The following ZNF354B variants were observed in gnomAD, a reference collection of about 807,000 sequenced individuals.
ZNF354B encodes the protein zinc finger protein 354B.
A neutral mutation model predicts 12.9 loss-of-function variants in ZNF354B; 10 were observed. The ratio of observed to expected loss-of-function variants is 0.77; its 90% confidence interval spans 0.48 to 1.31. The LOEUF (loss-of-function observed/expected upper bound fraction) is 1.31. ZNF354B is among the 40% of genes most tolerant of loss of function. The pLI, the probability that ZNF354B is intolerant of heterozygous loss-of-function variation, is 0.00. For missense variants in ZNF354B, 614 were observed against 711.7 expected (o/e 0.86, Z 1.56); for synonymous variants, 260 against 243.7 (o/e 1.07, Z -0.62).
At position 178,883,206 on chromosome 5, in the gene ZNF354B, A is replaced by G; in HGVS notation, c.754A>G (p.Ser252Gly). The change falls in exon 5 of 5, where the codon AGC becomes GGC. Residue 252 changes from serine to glycine, a missense_variant. Transcript: ENST00000322434. ...FKCKECLKAFSQSSALIQHQR... is the reference protein window; with the variant it reads ...FKCKECLKAFGQSSALIQHQR... ...ATGTAAAGAATGTTTAAAAGCTTTC[A>G]GCCAAAGTTCTGCTCTTATTCAACA... The G allele has an allele frequency of 1.9e-6, 3 of 1,613,576 alleles. No homozygotes were observed. Among genetic ancestry groups the G allele is most frequent in the South Asian group, 1.1e-5 (1 of 90,774 alleles).
At chr5:178,879,117 C>T (rs990033729) in intron 4 of ZNF354B, among the ~76,000 whole-genome samples, 1 of 151,816 alleles carries the variant, frequency 6.6e-6, no homozygotes, top group Non-Finnish European at 1.5e-5. Context: ...GGTGCCATCT[C>T]GGCTCACTTC....
At chr5:178,877,979 T>C (rs920548549) in intron 4 of ZNF354B, among the ~76,000 whole-genome samples, 4 of 152,242 alleles carry the variant, frequency 2.6e-5, no homozygotes, top group Non-Finnish European at 5.9e-5. Context: ...TTTGCACTTT[T>C]GGCATTTTCT....
chr5:178,873,505 A>G (rs987125074), intron 4 of ZNF354B, among the ~76,000 whole-genome samples: 4 of 152,164 alleles, frequency 2.6e-5, no homozygotes, highest in African/African-American at 9.7e-5. Flanking sequence ...GCGAATCTTC[A>G]GTTGCTCCAT....
At chr5:178,866,714 A>G (rs547166762) in intron 3 of ZNF354B, among the ~76,000 whole-genome samples, 4 of 152,080 alleles carry the variant, frequency 2.6e-5, no homozygotes, top group Non-Finnish European at 4.4e-5. Flanking sequence ...TCATCGACCT[A>G]CCATTGCCTT....
Position 178,883,081 on chromosome 5 carries a change from C to A in ZNF354B, c.629C>A (p.Ala210Glu). The stretch of plus-strand genomic sequence containing the variant: ...CTTAACCAATCAAAAATCAAAACAG[C>A]AGAGAAACGCTATAAATGCAGTACA... Reference protein sequence around the residue: ...NLLNQSKIKTAEKRYKCSTCE... With the variant: ...NLLNQSKIKTEEKRYKCSTCE... Residue 210 changes from alanine to glutamate, a missense_variant, in exon 5 of 5, where the codon GCA becomes GAA. Ala to Glu is a moderately radical substitution (Grantham distance 107). Transcript: ENST00000322434. 1 of 1,607,022 alleles carries A rather than the reference C, an allele frequency of 6.2e-7. No individual in the cohort carries two copies. Among genetic ancestry groups the A allele is most frequent in the African/African-American group, 1.3e-5 (1 of 74,484 alleles).
rs1434636553 is a variant in ZNF354B at position 178,883,757 on chromosome 5, G to C, written c.1305G>C (p.Glu435Asp). The change falls in exon 5 of 5, where the codon GAG (glutamate) becomes GAC (aspartate). Residue 435 changes from glutamate (E) to aspartate (D), a missense_variant. By Grantham distance (45) the Glu-to-Asp change is conservative. Coordinates refer to ENST00000322434, the MANE Select transcript of ZNF354B (RefSeq NM_058230.3). ...LNRHRIIHTG[E>D]KLYNCNECGK... ...GACACCGAATAATTCATACTGGAGA[G>C]AAATTGTATAATTGTAATGAATGTG... 6.2e-7 allele frequency: 1 copy of C among 1,614,156 alleles called. No individual in the cohort carries two copies.
intron 4 of ZNF354B, among the ~76,000 whole-genome samples, chr5:178,882,194 T>G (rs1322172572): frequency 6.6e-6 from 1 of 152,208 alleles, no homozygotes; most frequent in Non-Finnish European, 1.5e-5. Context: ...TCTAGATGTG[T>G]ATTATTCCTT....
chr5:178,865,458 A>G (rs112654091), intron 2 of ZNF354B, among the ~76,000 whole-genome samples: 22,376 of 151,846 alleles, frequency 0.15, 2,004 homozygotes, highest in African/African-American at 0.25. Context: ...TAGTAGAGAC[A>G]GGGTTTCACC....
chr5:178,884,277 G>A lies in ZNF354B; in HGVS notation c.1825G>A (p.Asp609Asn), dbSNP rs559023412. The change falls in exon 5 of 5, where the codon GAT becomes AAT. Residue 609 changes from aspartate (D) to asparagine (N), a missense_variant. Coordinates refer to ENST00000322434, the MANE Select transcript of ZNF354B (RefSeq NM_058230.3). Reference protein sequence around the residue: ...IHIEEDSLKADLHV With the variant: ...IHIEEDSLKANLHV ...CATTGAAGAGGACTCCTTAAAAGCC[G>A]ATTTGCATGTGTGAAAGCCTTAAAC... The A allele has an allele frequency of 7.6e-6, 12 of 1,584,220 alleles. No homozygotes were observed. In the East Asian group the frequency reaches 1.3e-4, roughly 18 times the overall value.
chr5:178,866,940 A>G, intron 3 of ZNF354B, 36 bp from the exon 4 acceptor site: 1 of 1,599,200 alleles, frequency 6.3e-7, no homozygotes, highest in Non-Finnish European at 8.6e-7. Context: ...CAAAACGAAG[A>G]CTGAGACTTT....
At chr5:178,875,711 A>C (rs1757625912) in intron 4 of ZNF354B, among the ~76,000 whole-genome samples, 1 of 152,170 alleles carries the variant, frequency 6.6e-6, no homozygotes, top group African/African-American at 2.4e-5. Flanking sequence ...GTGAAGAGTC[A>C]GGGATTGGTT....
chr5:178,860,469 G>A (rs62393045), intron 1 of ZNF354B, among the ~76,000 whole-genome samples: 2,979 of 152,246 alleles, frequency 0.02, 78 homozygotes, highest in East Asian at 0.12. Context: ...TCCCCAGGAC[G>A]GCCACTCCTC....
At chr5:178,873,851 C>T (rs1438412670) in intron 4 of ZNF354B, among the ~76,000 whole-genome samples, 1 of 152,080 alleles carries the variant, frequency 6.6e-6, no homozygotes, top group Non-Finnish European at 1.5e-5. Flanking sequence ...GTTTAGTCTT[C>T]CAATCTGTGA....
rs184115263 is a variant in ZNF354B, at chr5:178,870,675, C to T, written c.256+3604C>T. On this transcript the variant is annotated intron_variant, in intron 4 of 4. Coordinates refer to ENST00000322434, the MANE Select transcript of ZNF354B (RefSeq NM_058230.3). The stretch of plus-strand genomic sequence containing the variant: ...TGCTCAGCAAGGTTTGCTGAAGCAG[C>T]AACTGCACACAGGGAGGACTGTCTT... Among the ~76,000 whole-genome samples the T allele has an allele frequency of 4.1e-3, 631 of 152,308 alleles. 2 individuals carry two copies. The highest frequency in any genetic ancestry group is 7.2e-3 in the Non-Finnish European group (490 of 68,026).
At chr5:178,871,863 G>T (rs1163767479) in intron 4 of ZNF354B, among the ~76,000 whole-genome samples, 1 of 152,110 alleles carries the variant, frequency 6.6e-6, no homozygotes, top group East Asian at 1.9e-4. Flanking sequence ...TTTGGAGGAT[G>T]GTATGAGTTT....
intron 2 of ZNF354B, among the ~76,000 whole-genome samples, chr5:178,865,031 C>T (rs1295658320): frequency 6.6e-6 from 1 of 152,124 alleles, no homozygotes; most frequent in Non-Finnish European, 1.5e-5. Flanking sequence ...CAATTTATAC[C>T]ATCAGCTCTA....
chr5:178,875,089 C>T (rs1035026765), intron 4 of ZNF354B, among the ~76,000 whole-genome samples: 1 of 152,112 alleles, frequency 6.6e-6, no homozygotes, highest in Non-Finnish European at 1.5e-5. Flanking sequence ...CTATGTGACT[C>T]CTCTGTATTT....
chr5:178,875,565 T>C (rs1304513527), intron 4 of ZNF354B, among the ~76,000 whole-genome samples: 1 of 152,192 alleles, frequency 6.6e-6, no homozygotes, highest in African/African-American at 2.4e-5. Flanking sequence ...GCAATACCAC[T>C]GCAGTGGCAG....
intron 2 of ZNF354B, among the ~76,000 whole-genome samples, chr5:178,862,100 G>A (rs994189957): frequency 2.6e-5 from 4 of 152,092 alleles, no homozygotes; most frequent in Admixed American, 2.6e-4. Context: ...CAATACTAAT[G>A]TCCACCGAGT....
Sources: gnomAD v4.1 joint callset for allele counts (sites outside exome capture counted in the v4.1 genomes callset) on GRCh38, gnomAD v4.1.1 for gene constraint, MANE v1.5 for transcripts, NCBI Gene and HGNC (gene_info 2026-07-23, HGNC 2026-07-21) for gene names.